Variants in LUZP2 observed in about 807,000 individuals in gnomAD.
The protein encoded by LUZP2 is leucine zipper protein 2.
A neutral mutation model predicts 51.6 loss-of-function variants in LUZP2; 52 were observed. The observed-to-expected ratio is 1.01, with a 90% CI of 0.81 to 1.27. The LOEUF (loss-of-function observed/expected upper bound fraction) is 1.27. Among genes scored for constraint, LUZP2 ranks in the 50% most tolerant of loss-of-function variants. The pLI is 0.00. For missense variants in LUZP2, 436 were observed against 395.4 expected, an observed-to-expected ratio of 1.10 and a Z score of -0.87; for synonymous variants, 154 against 137.3, an observed-to-expected ratio of 1.12 and a Z score of -0.85.
intron 1 of LUZP2, among the ~76,000 whole-genome samples, chr11:24,563,170 C>T (rs1247736403): frequency 6.6e-6 from 1 of 152,140 alleles, no homozygotes; most frequent in Non-Finnish European, 1.5e-5. Flanking sequence ...AAGAATGGGT[C>T]TGACAATTTC....
chr11:24,643,319 G>T (rs1395337843), intron 1 of LUZP2, among the ~76,000 whole-genome samples: 4 of 151,522 alleles, frequency 2.6e-5, no homozygotes, highest in African/African-American at 9.7e-5. Flanking sequence ...AGGTTGGGGG[G>T]TAGAGAAGAG....
chr11:24,605,170 T>C (rs1717435466), intron 1 of LUZP2, among the ~76,000 whole-genome samples: 1 of 151,828 alleles, frequency 6.6e-6, no homozygotes, highest in Admixed American at 6.6e-5. Context: ...TTTGAAATTA[T>C]ATTTCACAGA....
chr11:24,843,436 T>C (rs1285891492), intron 5 of LUZP2, among the ~76,000 whole-genome samples: 1 of 152,164 alleles, frequency 6.6e-6, no homozygotes, highest in East Asian at 1.9e-4. Context: ...AGGCCAATCT[T>C]TCCCATTAAT....
In LUZP2 at chr11:24,566,330, T is replaced by A. The variant is rs11028022; in HGVS notation, c.62+69025T>A. Among the ~76,000 whole-genome samples the A allele has an allele frequency of 1.7e-3, 58 of 34,158 alleles. 1 individual carries two copies. The highest frequency in any genetic ancestry group is 2.7e-3 in the Admixed American group (9 of 3,370). The allele number at this position is 34,158 out of a possible 152,430, so 22.4% of individuals were successfully genotyped here. A position where few individuals can be genotyped will look rare whatever the true frequency, so the allele number is the denominator to read the frequency against. On this transcript the variant is annotated intron_variant, in intron 1 of 11. Transcript: ENST00000336930. ...TATTTATTGTATTATTTATTTATTT[T>A]TTTTTTTTTTTTTTTTTTGAGACGT...
chr11:24,570,706 G>T (rs973256708), intron 1 of LUZP2, among the ~76,000 whole-genome samples: 15 of 152,036 alleles, frequency 9.9e-5, no homozygotes, highest in African/African-American at 3.6e-4. Flanking sequence ...CTTATGATTT[G>T]CAGTCTCTTT....
intron 9 of LUZP2, among the ~76,000 whole-genome samples, chr11:25,003,271 G>C (rs548039606): frequency 2.4e-4 from 36 of 152,200 alleles, no homozygotes; most frequent in Non-Finnish European, 3.8e-4. Context: ...GACCAAACAT[G>C]AGGGCTATCC....
intron 7 of LUZP2, among the ~76,000 whole-genome samples, chr11:24,949,697 G>A (rs1208197984): frequency 6.6e-6 from 1 of 151,610 alleles, no homozygotes; most frequent in Non-Finnish European, 1.5e-5. Flanking sequence ...TCGAAACACT[G>A]AAGCCAGGCT....
chr11:25,071,981 G>A (rs750283029), intron 10 of LUZP2, among the ~76,000 whole-genome samples: 25 of 152,130 alleles, frequency 1.6e-4, no homozygotes, highest in Non-Finnish European at 2.8e-4. Flanking sequence ...ACTATGTCAC[G>A]CACATACACT....
intron 3 of LUZP2, among the ~76,000 whole-genome samples, 187 bp downstream of exon 3, chr11:24,732,375 G>A (rs549759615): frequency 1.6e-4 from 24 of 151,742 alleles, no homozygotes; most frequent in Non-Finnish European, 2.7e-4. Context: ...GTGGGCTTGA[G>A]ATTCCACATT....
Position 24,506,149 on chromosome 11 carries a change from A to G in LUZP2, c.62+8844A>G, listed in dbSNP as rs1850140644. Among the ~76,000 whole-genome samples, 3 of 152,228 alleles carry G rather than the reference A, an allele frequency of 2.0e-5. No individual in the cohort carries two copies. The South Asian group carries it at 6.2e-4, about 32-fold the overall frequency. ...CTGCAGAGAATGGTCCAGAAGAGGG[A>G]CTAGGATGGTAGAAGGAAAGGAGAA... On this transcript the variant is annotated intron_variant, in intron 1 of 11. Transcript: ENST00000336930.
At chr11:24,937,859 C>G (rs1202735477) in intron 7 of LUZP2, among the ~76,000 whole-genome samples, 3 of 151,260 alleles carry the variant, frequency 2.0e-5, no homozygotes, top group Admixed American at 6.6e-5. Flanking sequence ...CGAGATCGTG[C>G]CACTGCACTC....
chr11:24,630,661 T>C (rs1437070303), intron 1 of LUZP2, among the ~76,000 whole-genome samples: 1 of 145,938 alleles, frequency 6.9e-6, no homozygotes, highest in African/African-American at 2.6e-5. Context: ...GTAATGGCTT[T>C]GGCTATTCCG....
chr11:24,976,902 G>T (rs1282404425), intron 8 of LUZP2, among the ~76,000 whole-genome samples: 2 of 151,510 alleles, frequency 1.3e-5, no homozygotes, highest in East Asian at 1.9e-4. Flanking sequence ...TGAGTTCATG[G>T]CTCCATTTTT....
intron 7 of LUZP2, among the ~76,000 whole-genome samples, chr11:24,963,383 G>T (rs1855477695): frequency 6.6e-6 from 1 of 152,224 alleles, no homozygotes; most frequent in Admixed American, 6.5e-5. Context: ...GCCTACAGAG[G>T]CAGACAGGCC....
chr11:24,726,059 A>G (rs1565100790), intron 1 of LUZP2, among the ~76,000 whole-genome samples: 1 of 152,134 alleles, frequency 6.6e-6, no homozygotes, highest in Non-Finnish European at 1.5e-5. Flanking sequence ...CGAAATATCT[A>G]TTATTTGAGG....
At chr11:24,625,671 A>G (rs1854650487) in intron 1 of LUZP2, among the ~76,000 whole-genome samples, 1 of 152,242 alleles carries the variant, frequency 6.6e-6, no homozygotes, top group East Asian at 1.9e-4. Context: ...GAAAAGTTTA[A>G]GAAATATTCG....
intron 9 of LUZP2, among the ~76,000 whole-genome samples, chr11:25,032,848 C>T (rs1857731603): frequency 6.6e-6 from 1 of 152,154 alleles, no homozygotes; most frequent in African/African-American, 2.4e-5. Context: ...GCTTATCTTA[C>T]TATATACCAC....
rs918860475 is a variant in LUZP2, at chr11:25,079,188, A to T, written c.*530A>T. On this transcript the variant is annotated 3_prime_UTR_variant, in exon 12 of 12. Transcript: ENST00000336930. ...GTATTATTTTGAACTAATAACAATT[A>T]TTTTGTCTAAATAATGCTAAGACAA... 6.6e-6 allele frequency: 1 copy of T among 152,274 alleles called. No individual in the cohort carries two copies. The highest frequency in any genetic ancestry group is 6.5e-5 in the Admixed American group (1 of 15,282). 9.4% of individuals were successfully genotyped at this position (152,274 alleles called of 1,614,324 possible).
chr11:25,036,692 GT>G (rs1046714579), intron 9 of LUZP2, among the ~76,000 whole-genome samples: 3 of 151,860 alleles, frequency 2.0e-5, no homozygotes, highest in African/African-American at 4.8e-5. Context: ...TTTCAAATAT[GT>G]TTTTTTTCCT....
Sources: allele counts gnomAD v4.1 joint callset (sites outside exome capture counted in the v4.1 genomes callset), GRCh38; gene constraint gnomAD v4.1.1; transcripts MANE v1.5; gene names NCBI Gene and HGNC (gene_info 2026-07-23, HGNC 2026-07-21).